The following TENM2 variants were observed in gnomAD, a reference collection of about 807,000 sequenced individuals.
TENM2 encodes the protein teneurin-2.
TENM2 carries 52 observed loss-of-function variants against 245.2 expected under a neutral mutation model. The ratio of observed to expected loss-of-function variants is 0.21; its 90% CI spans 0.17 to 0.27. The LOEUF is 0.27. Among genes scored for constraint, TENM2 ranks in the 10% least tolerant of loss-of-function variants. TENM2 has a pLI of 1.00. For synonymous variants in TENM2, 1,363 were observed against 1,438.9 expected, an observed-to-expected ratio of 0.95 and a Z score of 1.19; for missense variants, 3,046 against 3,666.8, an observed-to-expected ratio of 0.83 and a Z score of 4.37.
chr5:168,069,554 A>G (rs766053865), intron 7 of TENM2, among the ~76,000 whole-genome samples: 1 of 152,208 alleles, frequency 6.6e-6, no homozygotes, highest in African/African-American at 2.4e-5. Flanking sequence ...GAGGGCCACA[A>G]TGTAACAGGG....
chr5:167,298,453 A>T (rs1755094741), intron 1 of TENM2, among the ~76,000 whole-genome samples: 1 of 152,166 alleles, frequency 6.6e-6, no homozygotes, highest in African/African-American at 2.4e-5. Context: ...AATACAAAAA[A>T]TTAGCCGGGC....
chr5:167,193,846 T>C, the TENM2 span, among the ~76,000 whole-genome samples: 1 of 152,062 alleles, frequency 6.6e-6, no homozygotes, highest in Non-Finnish European at 1.5e-5. Flanking sequence ...ATAGGTCAAT[T>C]TGAGCTTATG....
chr5:168,140,713 G>A (rs954168458), intron 12 of TENM2, among the ~76,000 whole-genome samples: 1 of 152,186 alleles, frequency 6.6e-6, no homozygotes, highest in Admixed American at 6.5e-5. Flanking sequence ...CAGGATTCTG[G>A]ATACCTGTAT....
chr5:168,138,450 T>C (rs2152393336), intron 12 of TENM2, among the ~76,000 whole-genome samples: 1 of 152,262 alleles, frequency 6.6e-6, no homozygotes, highest in Non-Finnish European at 1.5e-5. Flanking sequence ...GCTAAGAAAA[T>C]TGTAGAGATA....
exon 28 of TENM2, chr5:168,260,321 A>G: frequency 6.2e-7 from 1 of 1,614,014 alleles, no homozygotes. Flanking sequence ...ATTTCAGCTT[A>G]GCAACATCAT....
intron 3 of TENM2, among the ~76,000 whole-genome samples, chr5:167,885,444 G>A (rs1210841632): frequency 6.6e-6 from 1 of 151,954 alleles, no homozygotes; most frequent in African/African-American, 2.4e-5. Context: ...ATAACATCTA[G>A]GCTTAGGTGC....
chr5:168,012,521 A>G (rs937825587), intron 5 of TENM2, among the ~76,000 whole-genome samples: 4 of 151,802 alleles, frequency 2.6e-5, no homozygotes, highest in Non-Finnish European at 4.4e-5. Flanking sequence ...GGTGGTGCAC[A>G]GCTGTAATCC....
At chr5:168,084,636 G>T (rs531638110) in intron 7 of TENM2, among the ~76,000 whole-genome samples, 1 of 152,180 alleles carries the variant, frequency 6.6e-6, no homozygotes, top group South Asian at 2.1e-4. Context: ...TGGTGCAAAG[G>T]CCCTATGGCT....
At chr5:168,231,272 C>T (rs1259805176) in intron 25 of TENM2, among the ~76,000 whole-genome samples, 4 of 152,162 alleles carry the variant, frequency 2.6e-5, no homozygotes, top group Admixed American at 1.3e-4. Context: ...TCAGGTCTCC[C>T]GTTTGACAAG....
chr5:167,637,372 G>C (rs1561625085), intron 2 of TENM2, among the ~76,000 whole-genome samples: 1 of 152,098 alleles, frequency 6.6e-6, no homozygotes, highest in Non-Finnish European at 1.5e-5. Flanking sequence ...ATTCCAGGGA[G>C]GAGGAATGAA....
intron 19 of TENM2, among the ~76,000 whole-genome samples, chr5:168,209,191 A>C (rs900410844): frequency 6.6e-6 from 1 of 152,348 alleles, no homozygotes; most frequent in Non-Finnish European, 1.5e-5. Flanking sequence ...TGATGTGTAA[A>C]TCATTAGAGT....
intron 5 of TENM2, among the ~76,000 whole-genome samples, chr5:168,039,794 G>C (rs1788023327): frequency 6.6e-6 from 1 of 152,040 alleles, no homozygotes; most frequent in Non-Finnish European, 1.5e-5. Context: ...CTGAGAGCTA[G>C]GGGGTGTGGT....
At chr5:167,915,139 G>A (rs1488864105) in intron 3 of TENM2, among the ~76,000 whole-genome samples, 2 of 152,028 alleles carry the variant, frequency 1.3e-5, no homozygotes, top group African/African-American at 4.8e-5. Flanking sequence ...CTTCACTCCC[G>A]ATTGGGATGA....
At chr5:167,870,630 C>T (rs1156975684) in intron 2 of TENM2, among the ~76,000 whole-genome samples, 4 of 143,084 alleles carry the variant, frequency 2.8e-5, no homozygotes, top group East Asian at 2.0e-4. Flanking sequence ...TATATATATA[C>T]ACACACACAT....
At chr5:167,107,940 A>G in the TENM2 span, among the ~76,000 whole-genome samples, 1 of 152,144 alleles carries the variant, frequency 6.6e-6, no homozygotes, top group African/African-American at 2.4e-5. Context: ...AAATTATTCA[A>G]AAGTACACAG....
chr5:167,458,250 G>C (rs1228543654), intron 2 of TENM2, among the ~76,000 whole-genome samples: 1 of 151,866 alleles, frequency 6.6e-6, no homozygotes, highest in African/African-American at 2.4e-5. Flanking sequence ...ACTTTGGGAG[G>C]CCGAGACAGG....
chr5:167,784,261 C>A (rs2973661), intron 2 of TENM2, among the ~76,000 whole-genome samples: 150,054 of 152,240 alleles, frequency 0.99, 73,978 homozygotes, highest in Middle Eastern at 1. Flanking sequence ...AATGGGGAAA[C>A]AAATAGTGAT....
At chr5:167,797,688 A>T (rs1371003394) in intron 2 of TENM2, among the ~76,000 whole-genome samples, 1 of 152,208 alleles carries the variant, frequency 6.6e-6, no homozygotes, top group Non-Finnish European at 1.5e-5. Context: ...ACAGATCTGA[A>T]GGTTGAGAAT....
chr5:168,188,456 T>G (rs1760669126), intron 13 of TENM2, among the ~76,000 whole-genome samples: 1 of 152,184 alleles, frequency 6.6e-6, no homozygotes, highest in Non-Finnish European at 1.5e-5. Context: ...TATCAGAAAT[T>G]CCAAGGAGCA....
Sources: allele counts gnomAD v4.1 joint callset (sites outside exome capture counted in the v4.1 genomes callset), GRCh38; gene constraint gnomAD v4.1.1; transcripts MANE v1.5; gene names NCBI Gene and HGNC (gene_info 2026-07-23, HGNC 2026-07-21).